ITGB1BP1: variants seen among roughly 807,000 people sequenced by gnomAD.
ITGB1BP1 encodes integrin subunit beta 1 binding protein 1.
Under a neutral mutation model 28.0 loss-of-function variants are expected in ITGB1BP1, and 20 were observed. The ratio of observed to expected loss-of-function variants is 0.71; its 90% CI spans 0.50 to 1.04. The LOEUF (loss-of-function observed/expected upper bound fraction) is 1.04, where lower values mean the gene tolerates loss of function less well. ITGB1BP1 is among the 50% of genes least tolerant of loss of function. The probability of loss-of-function intolerance (pLI) is 0.00; values close to 1 mark genes in which losing one functional copy is unlikely to be tolerated. For missense variants in ITGB1BP1, 228 were observed against 242.5 expected (o/e 0.94, Z 0.40); for synonymous variants, 103 against 89.5 (o/e 1.15, Z -0.85).
rs1676965767 is a variant in ITGB1BP1, at chr2:9,403,930, C to G, written c.*2904G>C. On this transcript the variant is annotated 3_prime_UTR_variant, in exon 7 of 7. Transcript: ENST00000355346. Reference sequence around the variant, plus strand: ...ATTATATTCTGCATGTATGTATAACCTGTTGTGAACAATCATACTTAACAA... The same window carrying G: ...ATTATATTCTGCATGTATGTATAACGTGTTGTGAACAATCATACTTAACAA... 1 of 152,414 alleles carries G rather than the reference C, an allele frequency of 6.6e-6. No homozygotes were observed. The highest frequency in any genetic ancestry group is 2.4e-5 in the African/African-American group (1 of 41,434). 9.4% of individuals were successfully genotyped at this position (152,414 alleles called of 1,614,324 possible).
At chr2:9,408,369 A>T (rs1677834607) in intron 4 of ITGB1BP1, 164 bp from the exon 5 acceptor site, 2 of 580,748 alleles carry the variant, frequency 3.4e-6, no homozygotes, top group Non-Finnish European at 6.2e-6. Context: ...CAGAAGAAAC[A>T]TTTCCCCCCA....
rs73152811 is a variant in ITGB1BP1, at chr2:9,416,328, A to G, written c.73-2072T>C. 5.1e-3 allele frequency among the ~76,000 whole-genome samples: 769 copies of G among 152,232 alleles called. 1 individual carries two copies. The highest frequency in any genetic ancestry group is 0.018 in the African/African-American group (733 of 41,534). Reference sequence around the variant, plus strand: ...TACTTGGTCAAATACAAGTCTAGACATTGCCGTGAAGGTGTTTCTTTAAAT... The same window carrying G: ...TACTTGGTCAAATACAAGTCTAGACGTTGCCGTGAAGGTGTTTCTTTAAAT... On this transcript the variant is annotated intron_variant, in intron 2 of 6. Coordinates refer to ENST00000355346, the MANE Select transcript of ITGB1BP1 (RefSeq NM_004763.5).
chr2:9,411,161 C>A (rs543965870), intron 4 of ITGB1BP1, among the ~76,000 whole-genome samples: 1 of 152,038 alleles, frequency 6.6e-6, no homozygotes, highest in East Asian at 1.9e-4. Flanking sequence ...AATTTTCATT[C>A]TTAATTTTCC....
rs1274729514 is a variant in ITGB1BP1, at chr2:9,405,424, C to T, written c.*1410G>A. Reference sequence around the variant, plus strand: ...TGATGGCTCAGAACATGTACACAGACTAAGAGTAACTGTGTGATCTGTTAA... The same window carrying T: ...TGATGGCTCAGAACATGTACACAGATTAAGAGTAACTGTGTGATCTGTTAA... On this transcript the variant is annotated 3_prime_UTR_variant, in exon 7 of 7. Transcript: ENST00000355346. The T allele has an allele frequency of 1.3e-5, 2 of 152,716 alleles. No individual in the cohort carries two copies. The highest frequency in any genetic ancestry group is 4.1e-4 in the South Asian group (2 of 4,828). The allele number at this position is 152,716 out of a possible 1,614,324, so 9.5% of individuals were successfully genotyped here. A position where few individuals can be genotyped will look rare whatever the true frequency, so the allele number is the denominator to read the frequency against.
Position 9,423,395 on chromosome 2 carries a change from C to A in ITGB1BP1, c.-58G>T. The A allele has an allele frequency of 5.3e-6, 6 of 1,141,114 alleles. No individual in the cohort carries two copies. Among genetic ancestry groups the A allele is most frequent in the Non-Finnish European group, 6.5e-6 (6 of 919,350 alleles). The allele number at this position is 1,141,114 out of a possible 1,614,324, so 70.7% of individuals were successfully genotyped here. A position where few individuals can be genotyped will look rare whatever the true frequency, so the allele number is the denominator to read the frequency against. On this transcript the variant is annotated 5_prime_UTR_variant, in exon 1 of 7. Transcript: ENST00000355346. ...CACCTCGCAGCCGCGGGCCCATCCC[C>A]GGGTTGCGGACTTCGGGGTCCGCGT...
chr2:9,421,595 G>A (rs2148918498), intron 1 of ITGB1BP1, among the ~76,000 whole-genome samples: 1 of 151,752 alleles, frequency 6.6e-6, no homozygotes, highest in Non-Finnish European at 1.5e-5. Context: ...CCTGAGGCAG[G>A]AGAATGGCGT....
intron 6 of ITGB1BP1, 57 bp downstream of exon 6, chr2:9,407,392 G>A: frequency 6.3e-7 from 1 of 1,588,632 alleles, no homozygotes; most frequent in Non-Finnish European, 8.6e-7. Context: ...AAAAACAGTA[G>A]TCCCTGGGTG....
rs966534773 is a variant in ITGB1BP1, at chr2:9,415,892, C to T, written c.73-1636G>A. ...TTCACATGTGGCTGTTATTTAACAG[C>T]GTGGCACATGTGGCACATGGGAGGC... is the stretch of plus-strand genomic sequence containing the variant. On this transcript the variant is annotated intron_variant, in intron 2 of 6. Coordinates refer to ENST00000355346, the MANE Select transcript of ITGB1BP1 (RefSeq NM_004763.5). This position sits in a 1 kb window ranked among gnomAD's most constrained non-coding sequence, Gnocchi z 4.1. Among the ~76,000 whole-genome samples, 12 of 152,226 alleles carry T rather than the reference C, an allele frequency of 7.9e-5. No individual in the cohort carries two copies. The East Asian group carries it at 1.4e-3, about 17-fold the overall frequency.
chr2:9,408,227 C>T lies in ITGB1BP1; in HGVS notation c.289-22G>A, dbSNP rs201787593. The T allele has an allele frequency of 2.1e-4, 290 of 1,379,526 alleles. 1 individual carries two copies. In the African/African-American group the frequency reaches 3.4e-3, roughly 16 times the overall value. 85.5% of individuals were successfully genotyped at this position (1,379,526 alleles called of 1,614,324 possible). ...CTTGCTTTAAAGTAAAAATAAATTCCATGATAAAGATTAAAATTACATAAT... is the reference window on the plus strand; with the variant it reads ...CTTGCTTTAAAGTAAAAATAAATTCTATGATAAAGATTAAAATTACATAAT... On this transcript the variant is annotated intron_variant, in intron 4 of 6. Coordinates refer to ENST00000355346, the MANE Select transcript of ITGB1BP1 (RefSeq NM_004763.5).
chr2:9,415,082 T>TA lies in ITGB1BP1; in HGVS notation c.73-827dup, dbSNP rs1187670705. On this transcript the variant is annotated intron_variant, in intron 2 of 6. Transcript: ENST00000355346. The surrounding 1 kb of genome is among the most constrained non-coding windows in gnomAD (Gnocchi z 4.1). ...AACATGGTGAAACCCCGTCTCTACT[T>TA]AAAAAAAAAAATATGGCTGGGTGTG... 3.3e-3 allele frequency among the ~76,000 whole-genome samples: 451 copies of TA among 135,636 alleles called. 2 individuals carry two copies. The highest frequency in any genetic ancestry group is 0.011 in the African/African-American group (393 of 36,632). The allele number at this position is 135,636 out of a possible 152,430, so 89.0% of individuals were successfully genotyped here.
chr2:9,423,023 G>C, intron 1 of ITGB1BP1: 1 of 990,958 alleles, frequency 1.0e-6, no homozygotes, highest in Non-Finnish European at 1.2e-6. Flanking sequence ...ATGTGACAGC[G>C]AAGGGGACAG....
intron 4 of ITGB1BP1, chr2:9,412,068 C>T: frequency 4.2e-6 from 2 of 472,726 alleles, no homozygotes; most frequent in Admixed American, 4.1e-5. Context: ...AAAAAAGTAC[C>T]GTGTTTGAAG....
intron 2 of ITGB1BP1, among the ~76,000 whole-genome samples, chr2:9,414,515 G>A (rs1204290046): frequency 2.0e-5 from 3 of 152,080 alleles, no homozygotes; most frequent in African/African-American, 7.2e-5. Flanking sequence ...ATTCTTAGTC[G>A]ATTTAAATCG....
In ITGB1BP1 at chr2:9,405,802, T is replaced by A. The variant is rs1449680274; in HGVS notation, c.*1032A>T. 6.6e-6 allele frequency: 1 copy of A among 152,226 alleles called. No individual in the cohort carries two copies. Among genetic ancestry groups the A allele is most frequent in the Non-Finnish European group, 1.5e-5 (1 of 68,038 alleles). 9.4% of individuals were successfully genotyped at this position (152,226 alleles called of 1,614,324 possible). ...ACTTTTAGCATGAGCGGTAATCTTTTAAGGTTCTCTTAACTCTAGGAATTG... is the reference window on the plus strand; with the variant it reads ...ACTTTTAGCATGAGCGGTAATCTTTAAAGGTTCTCTTAACTCTAGGAATTG... On this transcript the variant is annotated 3_prime_UTR_variant, in exon 7 of 7. Transcript: ENST00000355346.
chr2:9,403,493 T>C lies in ITGB1BP1; in HGVS notation c.*3341A>G. On this transcript the variant is annotated 3_prime_UTR_variant, in exon 7 of 7. Coordinates refer to ENST00000355346, the MANE Select transcript of ITGB1BP1 (RefSeq NM_004763.5). ...GAGGCAATTTTTACATATCAGTAATTGTTTTTATAATTTGTGGTTTTCATG... is the reference window on the plus strand; with the variant it reads ...GAGGCAATTTTTACATATCAGTAATCGTTTTTATAATTTGTGGTTTTCATG... 1 of 589,794 alleles carries C rather than the reference T, an allele frequency of 1.7e-6. No individual in the cohort carries two copies. Among genetic ancestry groups the C allele is most frequent in the South Asian group, 2.4e-5 (1 of 42,068 alleles). The allele number at this position is 589,794 out of a possible 1,614,324, so 36.5% of individuals were successfully genotyped here.
intron 4 of ITGB1BP1, among the ~76,000 whole-genome samples, chr2:9,410,117 T>C (rs541695617): frequency 6.6e-6 from 1 of 152,346 alleles, no homozygotes; most frequent in South Asian, 2.1e-4. Context: ...AGTGCTGGAA[T>C]TATAGGCCTG....
rs536819383 is a variant in ITGB1BP1 at position 9,415,289 on chromosome 2, G to A, written c.73-1033C>T. Among the ~76,000 whole-genome samples the A allele has an allele frequency of 6.6e-6, 1 of 152,296 alleles. No individual in the cohort carries two copies. Among genetic ancestry groups the A allele is most frequent in the East Asian group, 1.9e-4 (1 of 5,182 alleles). On this transcript the variant is annotated intron_variant, in intron 2 of 6. Transcript: ENST00000355346. This position sits in a 1 kb window ranked among gnomAD's most constrained non-coding sequence, Gnocchi z 4.1. Reference sequence around the variant, plus strand: ...AGCTACTCGGGAGGCTGAGGCAGGAGAATAGCTTGAACCCAGGAGGTGGAG... The same window carrying A: ...AGCTACTCGGGAGGCTGAGGCAGGAAAATAGCTTGAACCCAGGAGGTGGAG...
At chr2:9,409,716 C>G (rs137926964) in intron 4 of ITGB1BP1, among the ~76,000 whole-genome samples, 1 of 151,930 alleles carries the variant, frequency 6.6e-6, no homozygotes, top group Non-Finnish European at 1.5e-5. Context: ...AGGAACTAAT[C>G]TAGGTGGTTT....
chr2:9,422,893 C>T (rs1680068842), intron 1 of ITGB1BP1: 1 of 986,272 alleles, frequency 1.0e-6, no homozygotes. Context: ...AGAGTAAGGA[C>T]GGATGCGGCC....
Sources: allele counts gnomAD v4.1 joint callset (sites outside exome capture counted in the v4.1 genomes callset), GRCh38; gene constraint gnomAD v4.1.1; non-coding constraint Gnocchi (gnomAD v3.1); transcripts MANE v1.5; gene names NCBI Gene and HGNC (gene_info 2026-07-23, HGNC 2026-07-21).